EXD3: variants seen among roughly 807,000 people sequenced by gnomAD.
EXD3 encodes the protein exonuclease 3'-5' domain containing 3, also known as exonuclease mut-7 homolog.
In EXD3, 92 loss-of-function variants were observed where a neutral mutation model predicts 98.0. The observed-to-expected ratio is 0.94, with a 90% CI of 0.79 to 1.12. The LOEUF (loss-of-function observed/expected upper bound fraction) is 1.12, where lower values mean the gene tolerates loss of function less well. EXD3 is among the 50% of genes most tolerant of loss of function. EXD3 has a pLI of 0.00. For missense variants in EXD3, 1,222 were observed against 1,191.6 expected (o/e 1.03, Z -0.38); for synonymous variants, 569 against 526.0 (o/e 1.08, Z -1.12).
At position 137,371,289 on chromosome 9, in the gene EXD3, G is replaced by A. The variant is rs1564521197; in HGVS notation, c.462+1616C>T. Among the ~76,000 whole-genome samples the A allele has an allele frequency of 6.6e-6, 1 of 152,236 alleles. No homozygotes were observed. Among genetic ancestry groups the A allele is most frequent in the South Asian group, 2.1e-4 (1 of 4,834 alleles). The stretch of plus-strand genomic sequence containing the variant: ...TGAGGGGGACCCTCCATCCTGCATT[G>A]TCCTGTGCCGGGACATGGTGGCTTC... On this transcript the variant is annotated intron_variant, in intron 5 of 21. Coordinates refer to ENST00000340951, the MANE Select transcript of EXD3 (RefSeq NM_017820.5). This position sits in a 1 kb window ranked among gnomAD's most constrained non-coding sequence, Gnocchi z 8.0.
rs116575725 is a variant in EXD3 at position 137,349,521 on chromosome 9, G to C, written c.1505C>G (p.Ala502Gly). ...LLLVHRQMRV[A>G]SVPAPAVDRA... ...GTCCACGGCTGGGGCTGGCACGCTC[G>C]CCACCCGCATCTGCTAAGACAGTGC... is the stretch of plus-strand genomic sequence containing the variant. Residue 502 changes from alanine to glycine, a missense_variant, in exon 15 of 22, where the codon GCG becomes GGG. By Grantham distance (60) the Ala-to-Gly change is moderately conservative. Transcript: ENST00000340951. This position sits in a 1 kb window ranked among gnomAD's most constrained non-coding sequence, Gnocchi z 7.4. 10 of 1,590,014 alleles carry C rather than the reference G, an allele frequency of 6.3e-6. No individual in the cohort carries two copies. The Admixed American group carries it at 1.6e-4, about 25-fold the overall frequency.
Position 137,393,377 on chromosome 9 carries a change from A to C in EXD3, c.55+1926T>G. 1 of 642,972 alleles carries C rather than the reference A, an allele frequency of 1.6e-6. No individual in the cohort carries two copies. Among genetic ancestry groups the C allele is most frequent in the South Asian group, 1.7e-5 (1 of 58,862 alleles). The allele number at this position is 642,972 out of a possible 1,614,324, so 39.8% of individuals were successfully genotyped here. A position where few individuals can be genotyped will look rare whatever the true frequency, so the allele number is the denominator to read the frequency against. Reference sequence around the variant, plus strand: ...CGGGGCCCGCAGATGGCCTCAGAGGAGGCGGTGGATGAACGGAAGGGTGAG... The same window carrying C: ...CGGGGCCCGCAGATGGCCTCAGAGGCGGCGGTGGATGAACGGAAGGGTGAG... On this transcript the variant is annotated intron_variant, in intron 2 of 21. Coordinates refer to ENST00000340951, the MANE Select transcript of EXD3 (RefSeq NM_017820.5). The surrounding 1 kb of genome is among the most constrained non-coding windows in gnomAD (Gnocchi z 4.6).
rs1316907827 is a variant in EXD3, at chr9:137,407,560, G to C, written c.-47-12156C>G. On this transcript the variant is annotated intron_variant, in intron 1 of 21. Coordinates refer to ENST00000340951, the MANE Select transcript of EXD3 (RefSeq NM_017820.5). This position sits in a 1 kb window ranked among gnomAD's most constrained non-coding sequence, Gnocchi z 4.4. ...CATCTCCCGGGATCCCTTGGCTAAG[G>C]GAGGGTGACTGGTGGCCCGCAGGCC... Among the ~76,000 whole-genome samples, 1 of 152,158 alleles carries C rather than the reference G, an allele frequency of 6.6e-6. No individual in the cohort carries two copies. Among genetic ancestry groups the C allele is most frequent in the Non-Finnish European group, 1.5e-5 (1 of 68,014 alleles).
At chr9:137,317,838 C>T (rs115447383) in intron 19 of EXD3, among the ~76,000 whole-genome samples, 1,558 of 152,310 alleles carry the variant, frequency 0.01, 22 homozygotes, top group African/African-American at 0.035. Flanking sequence ...CTGGAGGGCC[C>T]GTCTTCCTCC....
In EXD3 at chr9:137,371,255, C is replaced by T. The variant is rs1388269216; in HGVS notation, c.462+1650G>A. On this transcript the variant is annotated intron_variant, in intron 5 of 21. Transcript: ENST00000340951. This position sits in a 1 kb window ranked among gnomAD's most constrained non-coding sequence, Gnocchi z 8.0. ...CGCAGGCACGGCCGCCATTCAGCGT[C>T]GCGCCACATGAGGGGGACCCTCCAT... is the stretch of plus-strand genomic sequence containing the variant. 2.6e-5 allele frequency among the ~76,000 whole-genome samples: 4 copies of T among 152,224 alleles called. No individual in the cohort carries two copies. Among genetic ancestry groups the T allele is most frequent in the East Asian group, 1.9e-4 (1 of 5,196 alleles).
Position 137,407,859 on chromosome 9 carries a change from G to A in EXD3, c.-47-12455C>T, listed in dbSNP as rs1837804069. On this transcript the variant is annotated intron_variant, in intron 1 of 21. Transcript: ENST00000340951. This position sits in a 1 kb window ranked among gnomAD's most constrained non-coding sequence, Gnocchi z 4.4. ...CGGGAGGCGGGAGGGGCACAGCAAA[G>A]GGTCTGGGGGGAGGCCGGAGGGGGC... 1.3e-5 allele frequency among the ~76,000 whole-genome samples: 2 copies of A among 149,832 alleles called. No individual in the cohort carries two copies. The highest frequency in any genetic ancestry group is 4.9e-5 in the African/African-American group (2 of 40,900).
intron 19 of EXD3, among the ~76,000 whole-genome samples, chr9:137,312,597 TCCAGG>T (rs1831423442): frequency 6.6e-6 from 1 of 152,038 alleles, no homozygotes; most frequent in Admixed American, 6.5e-5. Flanking sequence ...CCCTCTCCTC[TCCAGG>T]CCCAAGGAGG....
intron 1 of EXD3, among the ~76,000 whole-genome samples, chr9:137,409,365 T>G (rs763620699): frequency 3.9e-5 from 6 of 152,252 alleles, no homozygotes; most frequent in Non-Finnish European, 5.9e-5. Context: ...TCCAGAGCTG[T>G]AAGAAATAAA....
chr9:137,330,248 ACACAGGGC>A, intron 17 of EXD3, among the ~76,000 whole-genome samples: 1 of 143,376 alleles, frequency 7.0e-6, no homozygotes, highest in South Asian at 2.3e-4. Context: ...CACAGGAGCT[ACACAGGGC>A]TCCACAGGAG....
At chr9:137,396,976 G>A (rs1383961405) in intron 1 of EXD3, among the ~76,000 whole-genome samples, 1 of 152,232 alleles carries the variant, frequency 6.6e-6, no homozygotes, top group East Asian at 1.9e-4. Flanking sequence ...CCATGCCGAG[G>A]GGGCCACTGG....
rs377374822 is a variant in EXD3 at position 137,314,737 on chromosome 9, C to T, written c.2185-5037G>A. Among the ~76,000 whole-genome samples the T allele has an allele frequency of 2.6e-5, 4 of 152,140 alleles. No homozygotes were observed. The East Asian group carries it at 5.8e-4, about 22-fold the overall frequency. ...CACAGACAGTGTGGGGGATGGGCCT[C>T]GGGCAGCGTCGGCGGCGAGAAGGTC... On this transcript the variant is annotated intron_variant, in intron 19 of 21. Transcript: ENST00000340951.
At chr9:137,312,384 C>T (rs747757060) in intron 19 of EXD3, among the ~76,000 whole-genome samples, 10 of 152,320 alleles carry the variant, frequency 6.6e-5, no homozygotes, top group East Asian at 1.9e-4. Context: ...CTGGTTCCCA[C>T]GCTCCTCAGC....
At chr9:137,345,530 C>T (rs780963219) in intron 17 of EXD3, among the ~76,000 whole-genome samples, 14 of 151,762 alleles carry the variant, frequency 9.2e-5, no homozygotes, top group African/African-American at 1.7e-4. Context: ...GGTGTAGTGG[C>T]GAGCACCTGT....
intron 10 of EXD3, chr9:137,353,976 G>T: frequency 9.1e-7 from 1 of 1,096,202 alleles, no homozygotes; most frequent in Non-Finnish European, 1.1e-6. Flanking sequence ...CACCGGGCTG[G>T]GGGGGCCTGG....
Position 137,327,857 on chromosome 9 carries a change from C to T in EXD3, c.1999-3714G>A, listed in dbSNP as rs980708889. Among the ~76,000 whole-genome samples the T allele has an allele frequency of 3.6e-5, 4 of 112,634 alleles. 1 individual carries two copies. The highest frequency in any genetic ancestry group is 1.4e-4 in the African/African-American group (4 of 28,356). 73.9% of individuals were successfully genotyped at this position (112,634 alleles called of 152,430 possible). On this transcript the variant is annotated intron_variant, in intron 17 of 21. Coordinates refer to ENST00000340951, the MANE Select transcript of EXD3 (RefSeq NM_017820.5). ...ATGATGAGTAAAAACAACGAATATA[C>T]TCCCACATGATGAATAAAAACAATG...
rs1008859338 is a variant in EXD3 at position 137,423,156 on chromosome 9, G to T, written c.-90C>A. On this transcript the variant is annotated 5_prime_UTR_variant, in exon 1 of 22. Transcript: ENST00000340951. ...CCCCACACCGTCCACGCCCGGCGCGGAACCTTGGCCCGACCGCAGCCGCTG... is the reference window on the plus strand; with the variant it reads ...CCCCACACCGTCCACGCCCGGCGCGTAACCTTGGCCCGACCGCAGCCGCTG... The T allele has an allele frequency of 2.0e-5, 3 of 151,596 alleles. No individual in the cohort carries two copies. Among genetic ancestry groups the T allele is most frequent in the Non-Finnish European group, 4.4e-5 (3 of 67,930 alleles). 9.4% of individuals were successfully genotyped at this position (151,596 alleles called of 1,614,324 possible).
At position 137,373,282 on chromosome 9, in the gene EXD3, C is replaced by G. The variant is rs1835732722; in HGVS notation, c.294+144G>C. 8 of 1,177,798 alleles carry G rather than the reference C, an allele frequency of 6.8e-6. No homozygotes were observed. The South Asian group carries it at 1.1e-4, about 16-fold the overall frequency. The allele number at this position is 1,177,798 out of a possible 1,614,324, so 73.0% of individuals were successfully genotyped here. ...CAGAGGGTGAAGCCACGGGCTGAGT[C>G]TTGGCCATAGCCCCCAGCATCCCCC... On this transcript the variant is annotated intron_variant, in intron 4 of 21. Transcript: ENST00000340951.
intron 2 of EXD3, among the ~76,000 whole-genome samples, chr9:137,389,759 G>C (rs547705715): frequency 1.4e-4 from 22 of 152,278 alleles, no homozygotes; most frequent in Non-Finnish European, 2.5e-4. Context: ...TGCAACCGCA[G>C]GTCAGAAAAT....
intron 3 of EXD3, among the ~76,000 whole-genome samples, chr9:137,382,113 CG>C (rs1836331034): frequency 2.8e-5 from 1 of 35,348 alleles, no homozygotes; most frequent in African/African-American, 1.7e-4. Flanking sequence ...GTCAGGGCGG[CG>C]GTGGAGGTGA....
Sources: allele counts gnomAD v4.1 joint callset (sites outside exome capture counted in the v4.1 genomes callset), GRCh38; gene constraint gnomAD v4.1.1; non-coding constraint Gnocchi (gnomAD v3.1); transcripts MANE v1.5; gene names NCBI Gene and HGNC (gene_info 2026-07-23, HGNC 2026-07-21).